Variants in LRMDA observed in about 807,000 individuals in gnomAD.
The protein encoded by LRMDA is leucine rich melanocyte differentiation associated.
In LRMDA, 18 loss-of-function variants were observed where a neutral mutation model predicts 29.8. The ratio of observed to expected loss-of-function variants is 0.60; its 90% confidence interval spans 0.42 to 0.90. LRMDA has a LOEUF of 0.90. LRMDA is among the 40% of genes least tolerant of loss of function. LRMDA has a pLI of 0.00. For missense variants in LRMDA, 273 were observed against 273.9 expected (o/e 1.00, Z 0.02); for synonymous variants, 125 against 109.4 (o/e 1.14, Z -0.89).
chr10:75,498,003 G>A (rs763200606), intron 2 of LRMDA, among the ~76,000 whole-genome samples: 1 of 152,184 alleles, frequency 6.6e-6, no homozygotes, highest in African/African-American at 2.4e-5. Flanking sequence ...CAAAGCGGCT[G>A]TTTCCTTTTC....
Position 75,643,990 on chromosome 10 carries a change from A to G in LRMDA, c.131+205496A>G, listed in dbSNP as rs116219002. Reference sequence around the variant, plus strand: ...TTAAGAATAATTAGGTGGCATGTGAATATCTCATCATGATTTCCCTGAATG... The same window carrying G: ...TTAAGAATAATTAGGTGGCATGTGAGTATCTCATCATGATTTCCCTGAATG... On this transcript the variant is annotated intron_variant, in intron 2 of 6. Coordinates refer to ENST00000611255, the MANE Select transcript of LRMDA (RefSeq NM_001305581.2). Among the ~76,000 whole-genome samples the G allele has an allele frequency of 8.2e-3, 1,256 of 152,304 alleles. 18 individuals carry two copies. Among genetic ancestry groups the G allele is most frequent in the African/African-American group, 0.029 (1,200 of 41,544 alleles).
chr10:76,268,622 T>C (rs1280632043), intron 5 of LRMDA, among the ~76,000 whole-genome samples: 1 of 152,202 alleles, frequency 6.6e-6, no homozygotes, highest in Non-Finnish European at 1.5e-5. Context: ...GTCCATTTCT[T>C]ACAGCGATAA....
intron 2 of LRMDA, among the ~76,000 whole-genome samples, chr10:75,888,480 C>A (rs1845428688): frequency 6.6e-6 from 1 of 152,264 alleles, no homozygotes; most frequent in Admixed American, 6.5e-5. Flanking sequence ...GACAGCTTGG[C>A]AAATTATGAA....
chr10:75,583,229 T>A (rs1021151706), intron 2 of LRMDA, among the ~76,000 whole-genome samples: 1 of 152,184 alleles, frequency 6.6e-6, no homozygotes, highest in African/African-American at 2.4e-5. Context: ...TTGGCACCAA[T>A]TTTCTGTATT....
chr10:75,920,706 A>G (rs1846012207), intron 2 of LRMDA, among the ~76,000 whole-genome samples: 1 of 152,234 alleles, frequency 6.6e-6, no homozygotes, highest in African/African-American at 2.4e-5. Flanking sequence ...CACAAAGAGC[A>G]AAAACAAAAA....
intron 6 of LRMDA, among the ~76,000 whole-genome samples, chr10:76,469,107 C>G (rs770764707): frequency 2.0e-4 from 30 of 152,138 alleles, no homozygotes; most frequent in Non-Finnish European, 1.8e-4. Context: ...TCAAAAGGAA[C>G]AATGGGATTC....
intron 2 of LRMDA, among the ~76,000 whole-genome samples, chr10:75,547,728 A>G (rs955510049): frequency 2.0e-5 from 3 of 152,180 alleles, no homozygotes; most frequent in Non-Finnish European, 4.4e-5. Context: ...GTGGGCTGTT[A>G]CGTAAAAAAA....
intron 2 of LRMDA, among the ~76,000 whole-genome samples, chr10:75,914,214 A>G (rs1845892891): frequency 1.3e-5 from 2 of 152,236 alleles, no homozygotes; most frequent in African/African-American, 4.8e-5. Context: ...AAAGGAGAGA[A>G]AATTGTAGCT....
intron 6 of LRMDA, among the ~76,000 whole-genome samples, chr10:76,363,167 A>AGGG (rs1564520614): frequency 2.8e-5 from 1 of 36,072 alleles, no homozygotes; most frequent in African/African-American, 1.1e-4. Flanking sequence ...GAAAGAAAGA[A>AGGG]AGAAAGAAAG....
At chr10:76,132,976 T>TC (rs1850024280) in intron 5 of LRMDA, among the ~76,000 whole-genome samples, 1 of 136,666 alleles carries the variant, frequency 7.3e-6, no homozygotes, top group Non-Finnish European at 1.6e-5. Context: ...CTTTTTTTTT[T>TC]TTTTTTTTTT....
intron 2 of LRMDA, among the ~76,000 whole-genome samples, chr10:75,742,059 C>T (rs758840993): frequency 3.3e-5 from 5 of 152,174 alleles, no homozygotes; most frequent in South Asian, 2.1e-4. Context: ...TGCAGAACCA[C>T]GAAAAATACG....
intron 2 of LRMDA, among the ~76,000 whole-genome samples, chr10:75,872,540 G>A (rs759795997): frequency 1.3e-5 from 2 of 152,022 alleles, no homozygotes. Context: ...TCCTGACCTC[G>A]TGATCCGCCT....
intron 5 of LRMDA, among the ~76,000 whole-genome samples, chr10:76,224,817 C>T (rs1851921823): frequency 1.3e-5 from 2 of 151,782 alleles, no homozygotes; most frequent in Non-Finnish European, 2.9e-5. Context: ...AAGACCTGTT[C>T]ACAAAGATAA....
At chr10:76,114,215 T>A (rs1323101397) in intron 5 of LRMDA, among the ~76,000 whole-genome samples, 1 of 152,208 alleles carries the variant, frequency 6.6e-6, no homozygotes, top group Non-Finnish European at 1.5e-5. Context: ...ACAAAACTTT[T>A]CTAATATGTC....
At chr10:76,405,109 T>C (rs765822413) in intron 6 of LRMDA, among the ~76,000 whole-genome samples, 10 of 152,180 alleles carry the variant, frequency 6.6e-5, no homozygotes, top group Non-Finnish European at 1.3e-4. Flanking sequence ...AGATAATAAA[T>C]CTGTGTTGTT....
intron 2 of LRMDA, among the ~76,000 whole-genome samples, chr10:75,909,868 A>G (rs17435153): frequency 0.091 from 13,809 of 152,242 alleles, 783 homozygotes; most frequent in Middle Eastern, 0.21. Context: ...AGTACTTCTA[A>G]ATTTTGATGG....
At chr10:76,430,837 AC>A (rs1178366816) in intron 6 of LRMDA, among the ~76,000 whole-genome samples, 2 of 151,774 alleles carry the variant, frequency 1.3e-5, no homozygotes, top group Non-Finnish European at 2.9e-5. Context: ...TTGTCCCACA[AC>A]CCCCTCCTCT....
At chr10:75,802,322 C>T (rs1161928068) in intron 2 of LRMDA, among the ~76,000 whole-genome samples, 2 of 118,214 alleles carry the variant, frequency 1.7e-5, no homozygotes, top group East Asian at 5.0e-4. Flanking sequence ...TATCTCTAAA[C>T]ACACACACAC....
chr10:75,691,117 TC>T lies in LRMDA; in HGVS notation c.131+252624del, dbSNP rs1564541085. 1.1e-3 allele frequency among the ~76,000 whole-genome samples: 90 copies of T among 81,448 alleles called. 3 individuals carry two copies. Among genetic ancestry groups the T allele is most frequent in the African/African-American group, 7.6e-3 (89 of 11,764 alleles). The allele number at this position is 81,448 out of a possible 152,430, so 53.4% of individuals were successfully genotyped here. ...GTACATAGATATATAGATCTATATATCTATATACATAGATATATAGATCTAT... is the reference window on the plus strand; with the variant it reads ...GTACATAGATATATAGATCTATATATTATATACATAGATATATAGATCTAT... On this transcript the variant is annotated intron_variant, in intron 2 of 6. Transcript: ENST00000611255.
Sources: gnomAD v4.1 joint callset for allele counts (sites outside exome capture counted in the v4.1 genomes callset) on GRCh38, gnomAD v4.1.1 for gene constraint, MANE v1.5 for transcripts, NCBI Gene and HGNC (gene_info 2026-07-23, HGNC 2026-07-21) for gene names.